The following RIOX2 variants were observed in gnomAD, a reference collection of about 807,000 sequenced individuals.
The protein encoded by RIOX2 is 60S ribosomal protein L27a histidine hydroxylase.
In RIOX2, 43 loss-of-function variants were observed where a neutral mutation model predicts 51.2. The ratio of observed to expected loss-of-function variants is 0.84; its 90% confidence interval spans 0.66 to 1.08. The LOEUF is 1.08. RIOX2 is among the 50% of genes least tolerant of loss of function. The pLI, the probability that RIOX2 is intolerant of heterozygous loss-of-function variation, is 0.00. For missense variants in RIOX2, 566 were observed against 561.7 expected (o/e 1.01, Z -0.08); for synonymous variants, 226 against 218.5 (o/e 1.03, Z -0.30).
At chr3:97,946,124 TG>T (rs2040351034) in intron 8 of RIOX2, among the ~76,000 whole-genome samples, 1 of 152,116 alleles carries the variant, frequency 6.6e-6, no homozygotes, top group Non-Finnish European at 1.5e-5. Flanking sequence ...TGGCAATTAA[TG>T]GGCATTCTAA....
At chr3:97,950,038 T>C in intron 6 of RIOX2, 23 bp from the exon 7 acceptor site, 1 of 1,612,176 alleles carries the variant, frequency 6.2e-7, no homozygotes. Flanking sequence ...AAGTGAGTCC[T>C]GGCCCAGATG....
At chr3:97,970,655 G>A (rs1020458908) in intron 1 of RIOX2, among the ~76,000 whole-genome samples, 3 of 152,138 alleles carry the variant, frequency 2.0e-5, no homozygotes, top group Non-Finnish European at 2.9e-5. Flanking sequence ...ACCCCAATAG[G>A]AGTAAATATT....
intron 8 of RIOX2, among the ~76,000 whole-genome samples, chr3:97,946,602 A>ATATATATATCTATATC (rs1028298878): frequency 7.3e-6 from 1 of 137,332 alleles, no homozygotes; most frequent in African/African-American, 2.7e-5. Context: ...ATATATATAT[A>ATATATATATCTATATC]TATATCTATT....
chr3:97,950,259 C>T (rs1285394448), intron 6 of RIOX2, among the ~76,000 whole-genome samples: 1 of 152,158 alleles, frequency 6.6e-6, no homozygotes, highest in South Asian at 2.1e-4. Flanking sequence ...AAATAGAGAT[C>T]CTTGGAAATA....
Position 97,967,569 on chromosome 3 carries a change from C to CT in RIOX2, c.24dup (p.Gly9ArgfsTer12). The CT allele has an allele frequency of 6.3e-7, 1 of 1,593,214 alleles. No individual in the cohort carries two copies. ...GCCGGCCCCTCTTCCTTCCCACTCC[C>CT]TGTAGGCTTTGCTTTCTTTGGCATC... is the stretch of plus-strand genomic sequence containing the variant. On this transcript the variant is annotated frameshift_variant, in exon 2 of 10. Coordinates refer to ENST00000394198, the MANE Select transcript of RIOX2 (RefSeq NM_153182.4). LOFTEE classifies it high-confidence loss of function.
chr3:97,951,802 A>G (rs1705266001), intron 5 of RIOX2, among the ~76,000 whole-genome samples: 1 of 152,158 alleles, frequency 6.6e-6, no homozygotes, highest in Non-Finnish European at 1.5e-5. Context: ...GACATCTACT[A>G]CCTGGCGGCC....
At chr3:97,956,841 T>C (rs1382556776) in intron 4 of RIOX2, among the ~76,000 whole-genome samples, 1 of 152,178 alleles carries the variant, frequency 6.6e-6, no homozygotes, top group Non-Finnish European at 1.5e-5. Context: ...TTTTCAATCC[T>C]CATAGCCTGC....
intron 4 of RIOX2, among the ~76,000 whole-genome samples, chr3:97,958,639 A>G (rs1015309964): frequency 1.3e-5 from 2 of 152,224 alleles, no homozygotes; most frequent in Non-Finnish European, 2.9e-5. Flanking sequence ...AAAAAAACTA[A>G]GGGATCCCTG....
intron 2 of RIOX2, among the ~76,000 whole-genome samples, chr3:97,963,532 C>A (rs892297489): frequency 6.6e-6 from 1 of 152,178 alleles, no homozygotes; most frequent in African/African-American, 2.4e-5. Flanking sequence ...AAAGAGTTAA[C>A]AGAGCTCCAA....
chr3:97,946,602 A>ATATATATATCTATC (rs1028298878), intron 8 of RIOX2, among the ~76,000 whole-genome samples: 1 of 137,336 alleles, frequency 7.3e-6, no homozygotes, highest in African/African-American at 2.7e-5. Context: ...ATATATATAT[A>ATATATATATCTATC]TATATCTATT....
chr3:97,948,933 G>C (rs545402070), intron 7 of RIOX2, among the ~76,000 whole-genome samples: 12 of 152,172 alleles, frequency 7.9e-5, no homozygotes, highest in African/African-American at 2.2e-4. Context: ...AGTCATCAAT[G>C]ACATCATCCA....
At position 97,950,074 on chromosome 3, in the gene RIOX2, G is replaced by A. The variant is rs752307939; in HGVS notation, c.889-59C>T. On this transcript the variant is annotated intron_variant, in intron 6 of 9. Transcript: ENST00000394198. Reference sequence around the variant, plus strand: ...CCAGCAGAACTTACTGCCCAGCTCAGTCTCCACAGTAGACTGCAAAACTGC... The same window carrying A: ...CCAGCAGAACTTACTGCCCAGCTCAATCTCCACAGTAGACTGCAAAACTGC... 1.3e-5 allele frequency: 20 copies of A among 1,582,320 alleles called. No individual in the cohort carries two copies. In the South Asian group the frequency reaches 2.1e-4, roughly 17 times the overall value.
intron 2 of RIOX2, among the ~76,000 whole-genome samples, chr3:97,964,099 A>G (rs1705783675): frequency 6.6e-6 from 1 of 152,140 alleles, no homozygotes; most frequent in Non-Finnish European, 1.5e-5. Context: ...CAGCGAGCCC[A>G]AGGAGGACCT....
intron 7 of RIOX2, among the ~76,000 whole-genome samples, chr3:97,948,930 A>G (rs1161080153): frequency 6.6e-6 from 1 of 152,158 alleles, no homozygotes; most frequent in Admixed American, 6.5e-5. Context: ...GGAAGTCATC[A>G]ATGACATCAT....
rs1157704774 is a variant in RIOX2, at chr3:97,944,011, C to G, written c.*1173G>C. 2.0e-5 allele frequency: 3 copies of G among 151,734 alleles called. No homozygotes were observed. The highest frequency in any genetic ancestry group is 4.4e-5 in the Non-Finnish European group (3 of 67,880). The allele number at this position is 151,734 out of a possible 1,614,324, so 9.4% of individuals were successfully genotyped here. On this transcript the variant is annotated 3_prime_UTR_variant, in exon 10 of 10. Coordinates refer to ENST00000394198, the MANE Select transcript of RIOX2 (RefSeq NM_153182.4). ...ACCTATGGCCAAACTTGCACTGTTA[C>G]GTGTTAACCAAGACATCCCTTTAGG...
At chr3:97,952,745 C>A (rs1705296017) in intron 5 of RIOX2, among the ~76,000 whole-genome samples, 1 of 152,142 alleles carries the variant, frequency 6.6e-6, no homozygotes, top group Non-Finnish European at 1.5e-5. Flanking sequence ...CTCTCTGTAG[C>A]CTGGAGTTTC....
At chr3:97,957,898 TC>T (rs1705512196) in intron 4 of RIOX2, among the ~76,000 whole-genome samples, 1 of 152,204 alleles carries the variant, frequency 6.6e-6, no homozygotes, top group Non-Finnish European at 1.5e-5. Context: ...TGGCAACTAG[TC>T]CGCTCTGCTG....
At chr3:97,951,083 C>T in intron 5 of RIOX2, 195 bp from the exon 6 acceptor site, 1 of 531,234 alleles carries the variant, frequency 1.9e-6, no homozygotes, top group Non-Finnish European at 3.4e-6. Flanking sequence ...CCTGTTTCCT[C>T]CCTCCCCGTT....
At chr3:97,947,903 T>C (rs1428741038) in intron 7 of RIOX2, among the ~76,000 whole-genome samples, 2 of 152,172 alleles carry the variant, frequency 1.3e-5, no homozygotes, top group Non-Finnish European at 2.9e-5. Context: ...TTATTCAGTC[T>C]ATGTAAGTCA....
Sources: allele counts gnomAD v4.1 joint callset (sites outside exome capture counted in the v4.1 genomes callset), GRCh38; gene constraint gnomAD v4.1.1; transcripts MANE v1.5; gene names NCBI Gene and HGNC (gene_info 2026-07-23, HGNC 2026-07-21).